GABRG2: variants seen among roughly 807,000 people sequenced by gnomAD.
GABRG2 encodes gamma-aminobutyric acid receptor subunit gamma-2.
Under a neutral mutation model 56.4 loss-of-function variants are expected in GABRG2, and 16 were observed. That is an observed-to-expected ratio of 0.28 (90% CI 0.19 to 0.43). The LOEUF (loss-of-function observed/expected upper bound fraction) is 0.43. Ranked by LOEUF, GABRG2 falls within the 20% of genes least tolerant of loss-of-function variation. GABRG2 has a pLI of 1.00. For missense variants in GABRG2, 327 were observed against 582.7 expected (o/e 0.56, Z 4.52); for synonymous variants, 208 against 205.5 (o/e 1.01, Z -0.10).
intron 3 of GABRG2, among the ~76,000 whole-genome samples, chr5:162,096,081 A>G (rs1010906384): frequency 4.6e-4 from 70 of 152,088 alleles, no homozygotes; most frequent in East Asian, 2.1e-3. Context: ...ATAAGGTAAT[A>G]TAGTATTCTA....
chr5:162,078,734 A>G (rs1396908946), intron 1 of GABRG2, among the ~76,000 whole-genome samples: 3 of 151,876 alleles, frequency 2.0e-5, no homozygotes, highest in Admixed American at 1.3e-4. Context: ...TAAGCATGTC[A>G]TCTTCAATAC....
At chr5:162,075,073 C>T (rs1279536197) in intron 1 of GABRG2, among the ~76,000 whole-genome samples, 1 of 152,094 alleles carries the variant, frequency 6.6e-6, no homozygotes, top group East Asian at 1.9e-4. Flanking sequence ...AATCCTTAAA[C>T]TTCTATCACC....
intron 6 of GABRG2, among the ~76,000 whole-genome samples, chr5:162,135,824 A>G (rs1279190637): frequency 6.6e-6 from 1 of 152,188 alleles, no homozygotes; most frequent in Non-Finnish European, 1.5e-5. Flanking sequence ...AAGAACTACA[A>G]GAACCCCAAT....
chr5:162,133,481 T>A (rs939128175), intron 6 of GABRG2, among the ~76,000 whole-genome samples: 7 of 152,148 alleles, frequency 4.6e-5, no homozygotes, highest in African/African-American at 1.7e-4. Flanking sequence ...TCTAGTTAGA[T>A]GTTTGCAGGA....
At chr5:162,119,660 T>C (rs1254701186) in intron 6 of GABRG2, among the ~76,000 whole-genome samples, 2 of 152,146 alleles carry the variant, frequency 1.3e-5, no homozygotes, top group African/African-American at 4.8e-5. Context: ...TATATGAATC[T>C]CTATGTGCTG....
intron 6 of GABRG2, 76 bp downstream of exon 6, chr5:162,104,102 T>C: frequency 7.7e-7 from 1 of 1,297,718 alleles, no homozygotes; most frequent in Non-Finnish European, 1.1e-6. Flanking sequence ...TAGAAGATTT[T>C]TCAATACCTC....
intron 4 of GABRG2, among the ~76,000 whole-genome samples, chr5:162,100,966 A>G (rs184987561): frequency 1.3e-5 from 2 of 152,326 alleles, no homozygotes; most frequent in Admixed American, 1.3e-4. Flanking sequence ...GAGAAAAACC[A>G]AAACCAAAAA....
At chr5:162,138,580 G>A (rs1764314472) in intron 6 of GABRG2, among the ~76,000 whole-genome samples, 1 of 152,034 alleles carries the variant, frequency 6.6e-6, no homozygotes, top group Admixed American at 6.6e-5. Flanking sequence ...AATATCTGTG[G>A]ACTTAAAAAA....
chr5:162,102,769 T>C, intron 5 of GABRG2: 1 of 349,856 alleles, frequency 2.9e-6, no homozygotes, highest in Non-Finnish European at 5.7e-6. Context: ...TTTTCCTCAA[T>C]TTTCATCACA....
At chr5:162,138,858 A>G (rs886670625) in intron 6 of GABRG2, among the ~76,000 whole-genome samples, 6 of 152,180 alleles carry the variant, frequency 3.9e-5, no homozygotes, top group African/African-American at 7.2e-5. Context: ...ATTATTTTCT[A>G]TTATTTCAGG....
chr5:162,130,088 T>C (rs1336010479), intron 6 of GABRG2, among the ~76,000 whole-genome samples: 3 of 151,926 alleles, frequency 2.0e-5, no homozygotes, highest in Admixed American at 6.6e-5. Flanking sequence ...CTCTATATAG[T>C]ATGGTAAAGT....
intron 1 of GABRG2, among the ~76,000 whole-genome samples, chr5:162,091,639 GA>G (rs11327478): frequency 0.44 from 66,818 of 151,086 alleles, 14,980 homozygotes; most frequent in African/African-American, 0.52. Context: ...CCTGAAGTGT[GA>G]AAAAAAAACT....
At chr5:162,078,814 T>C (rs1027334588) in intron 1 of GABRG2, among the ~76,000 whole-genome samples, 2 of 151,920 alleles carry the variant, frequency 1.3e-5, no homozygotes, top group African/African-American at 4.8e-5. Context: ...CCATTTAAAG[T>C]TTAAAAAGTG....
At chr5:162,147,247 CTTTA>C (rs146532633) in intron 7 of GABRG2, among the ~76,000 whole-genome samples, 4,370 of 150,096 alleles carry the variant, frequency 0.029, 221 homozygotes, top group African/African-American at 0.1. Context: ...CTTTCTTTCT[CTTTA>C]TTTCTTTCTT....
chr5:162,071,254 C>A (rs1349648987), intron 1 of GABRG2, among the ~76,000 whole-genome samples: 1 of 150,648 alleles, frequency 6.6e-6, no homozygotes, highest in Non-Finnish European at 1.5e-5. Context: ...TAATTTTATT[C>A]CATCTCAGAG....
chr5:162,097,443 A>G (rs753342068), intron 3 of GABRG2, among the ~76,000 whole-genome samples, 195 bp from the exon 4 acceptor site: 4 of 152,172 alleles, frequency 2.6e-5, no homozygotes, highest in Non-Finnish European at 4.4e-5. Flanking sequence ...CTTTTTCATA[A>G]AAGTATCAAA....
intron 6 of GABRG2, among the ~76,000 whole-genome samples, chr5:162,120,675 C>T (rs570384859): frequency 9.9e-5 from 15 of 152,144 alleles, no homozygotes; most frequent in South Asian, 8.3e-4. Context: ...AGTTTACATG[C>T]CTATAAATAG....
chr5:162,081,752 A>G (rs1759682911), intron 1 of GABRG2, among the ~76,000 whole-genome samples: 1 of 151,882 alleles, frequency 6.6e-6, no homozygotes, highest in Non-Finnish European at 1.5e-5. Context: ...CAAAATAAAA[A>G]CCACTCTAGC....
At chr5:162,116,606 G>A (rs1409398050) in intron 6 of GABRG2, among the ~76,000 whole-genome samples, 2 of 151,858 alleles carry the variant, frequency 1.3e-5, no homozygotes, top group Non-Finnish European at 2.9e-5. Flanking sequence ...GGGGCACCAG[G>A]GAAGGCCTCT....
Sources: allele counts gnomAD v4.1 joint callset (sites outside exome capture counted in the v4.1 genomes callset), GRCh38; gene constraint gnomAD v4.1.1; transcripts MANE v1.5; gene names NCBI Gene and HGNC (gene_info 2026-07-23, HGNC 2026-07-21).